The following BABAM2 variants were observed in gnomAD, a reference collection of about 807,000 sequenced individuals.
BABAM2 encodes the protein BRISC and BRCA1 A complex member 2.
A neutral mutation model predicts 54.7 loss-of-function variants in BABAM2; 31 were observed. The observed-to-expected ratio is 0.57, with a 90% confidence interval of 0.43 to 0.77. BABAM2 has a LOEUF of 0.77. BABAM2 is among the 30% of genes least tolerant of loss of function. The pLI is 0.00. For missense variants in BABAM2, 364 were observed against 455.8 expected (o/e 0.80, Z 1.83); for synonymous variants, 167 against 162.9 (o/e 1.03, Z -0.19).
At chr2:28,215,487 G>C (rs1028502446) in intron 7 of BABAM2, among the ~76,000 whole-genome samples, 1 of 152,156 alleles carries the variant, frequency 6.6e-6, no homozygotes, top group Non-Finnish European at 1.5e-5. Flanking sequence ...GCATTCTGCT[G>C]GGCATTTGGG....
At chr2:27,916,359 T>C (rs1244348079) in intron 2 of BABAM2, among the ~76,000 whole-genome samples, 1 of 152,260 alleles carries the variant, frequency 6.6e-6, no homozygotes, top group Non-Finnish European at 1.5e-5. Context: ...AATAACACTG[T>C]ACATTGAATG....
chr2:28,254,604 T>C (rs1200337395), intron 10 of BABAM2, among the ~76,000 whole-genome samples: 1 of 152,190 alleles, frequency 6.6e-6, no homozygotes. Context: ...TATCGCAGTT[T>C]GAATACCTTG....
intron 8 of BABAM2, among the ~76,000 whole-genome samples, chr2:28,239,808 T>G (rs775796895): frequency 6.6e-6 from 1 of 152,154 alleles, no homozygotes; most frequent in Non-Finnish European, 1.5e-5. Context: ...CTAAAACCAT[T>G]AGGTGAAAGG....
At chr2:28,282,318 ACTC>A (rs1368904947) in intron 10 of BABAM2, among the ~76,000 whole-genome samples, 1 of 151,886 alleles carries the variant, frequency 6.6e-6, no homozygotes, top group Non-Finnish European at 1.5e-5. Flanking sequence ...CAGACATCAT[ACTC>A]CTCCTCTGGT....
chr2:28,255,426 G>A (rs1423045871), intron 10 of BABAM2, among the ~76,000 whole-genome samples: 9 of 151,852 alleles, frequency 5.9e-5, no homozygotes, highest in East Asian at 2.0e-4. Context: ...GACATGCACC[G>A]TCATGCCCGG....
At chr2:28,004,653 C>G (rs1314384487) in intron 4 of BABAM2, among the ~76,000 whole-genome samples, 1 of 150,850 alleles carries the variant, frequency 6.6e-6, no homozygotes, top group Non-Finnish European at 1.5e-5. Context: ...CACTAATTGA[C>G]ATAACAATTA....
chr2:28,124,565 T>G (rs1362465799), intron 6 of BABAM2, among the ~76,000 whole-genome samples: 2 of 152,114 alleles, frequency 1.3e-5, no homozygotes, highest in Admixed American at 6.6e-5. Context: ...ACAAAAAAAT[T>G]TGTAAAGTAG....
intron 11 of BABAM2, among the ~76,000 whole-genome samples, chr2:28,300,851 G>A (rs979761801): frequency 1.3e-5 from 2 of 152,202 alleles, no homozygotes; most frequent in African/African-American, 4.8e-5. Context: ...TAAAAAATCT[G>A]CTTTCTACTG....
At chr2:28,165,525 C>T (rs1419200308) in intron 7 of BABAM2, among the ~76,000 whole-genome samples, 15 of 119,346 alleles carry the variant, frequency 1.3e-4, no homozygotes, top group Admixed American at 2.9e-4. Context: ...TTTTTTTTTC[C>T]TTGCTTTTTT....
At chr2:28,090,776 T>C (rs1666093572) in intron 6 of BABAM2, among the ~76,000 whole-genome samples, 1 of 152,172 alleles carries the variant, frequency 6.6e-6, no homozygotes. Context: ...CAGGGGTTAG[T>C]AGCGTTATTT....
At chr2:28,145,130 G>C (rs1240190738) in intron 7 of BABAM2, among the ~76,000 whole-genome samples, 1 of 152,238 alleles carries the variant, frequency 6.6e-6, no homozygotes. Flanking sequence ...CTAAACACTT[G>C]AGAATCACTG....
At chr2:28,228,837 A>G (rs985213187) in intron 7 of BABAM2, among the ~76,000 whole-genome samples, 4 of 152,206 alleles carry the variant, frequency 2.6e-5, no homozygotes, top group Non-Finnish European at 5.9e-5. Context: ...ACATCTGTTA[A>G]GATTACTGCC....
At chr2:28,302,188 G>A (rs540173067) in intron 11 of BABAM2, among the ~76,000 whole-genome samples, 2 of 152,216 alleles carry the variant, frequency 1.3e-5, no homozygotes, top group Admixed American at 6.5e-5. Flanking sequence ...GGACTGAAGC[G>A]GGCGGATCAC....
At chr2:28,310,342 C>T (rs1291412459) in intron 11 of BABAM2, 2 of 546,202 alleles carry the variant, frequency 3.7e-6, no homozygotes, top group Non-Finnish European at 6.4e-6. Flanking sequence ...AGCTCAGTCT[C>T]CTGGCTCCCC....
intron 11 of BABAM2, among the ~76,000 whole-genome samples, chr2:28,334,757 G>C (rs560134268): frequency 1.3e-5 from 2 of 152,346 alleles, no homozygotes; most frequent in East Asian, 3.9e-4. Flanking sequence ...ACAGTTGACT[G>C]TCTCCTCCCA....
chr2:27,963,689 T>G (rs1458846980), intron 3 of BABAM2, among the ~76,000 whole-genome samples: 1 of 152,134 alleles, frequency 6.6e-6, no homozygotes, highest in African/African-American at 2.4e-5. Context: ...ACAATTTCCC[T>G]CTGATGTCTT....
chr2:27,928,807 C>T (rs1426589846), intron 2 of BABAM2, among the ~76,000 whole-genome samples: 4 of 151,818 alleles, frequency 2.6e-5, no homozygotes, highest in Non-Finnish European at 4.4e-5. Flanking sequence ...TTATGAAGCC[C>T]ATGCAGCTGT....
chr2:27,992,633 A>G (rs1044646265), intron 4 of BABAM2, among the ~76,000 whole-genome samples: 1 of 152,222 alleles, frequency 6.6e-6, no homozygotes, highest in Non-Finnish European at 1.5e-5. Context: ...ATTGTAATAA[A>G]AAAGGAAAAT....
At chr2:28,142,259 A>G (rs1671130839) in intron 7 of BABAM2, among the ~76,000 whole-genome samples, 1 of 152,198 alleles carries the variant, frequency 6.6e-6, no homozygotes. Context: ...GACTTAATGA[A>G]TGGGGAAGCC....
Sources: gnomAD v4.1 joint callset for allele counts (sites outside exome capture counted in the v4.1 genomes callset) on GRCh38, gnomAD v4.1.1 for gene constraint, MANE v1.5 for transcripts, NCBI Gene and HGNC (gene_info 2026-07-23, HGNC 2026-07-21) for gene names.